SYT16: variants seen among roughly 807,000 people sequenced by gnomAD.
The protein encoded by SYT16 is synaptotagmin-16.
In SYT16, 42 loss-of-function variants were observed where a neutral mutation model predicts 61.4. The observed-to-expected ratio is 0.68, with a 90% CI of 0.53 to 0.89. The LOEUF is 0.89. Ranked by LOEUF, SYT16 falls within the 40% of genes least tolerant of loss-of-function variation. The probability of loss-of-function intolerance (pLI) is 0.00; values close to 1 mark genes in which losing one functional copy is unlikely to be tolerated. For synonymous variants in SYT16, 314 were observed against 302.3 expected (o/e 1.04, Z -0.40); for missense variants, 804 against 807.3 (o/e 1.00, Z 0.05).
At position 62,027,712 on chromosome 14, in the gene SYT16, T is replaced by A. The variant is rs149555676; in HGVS notation, c.523+31170T>A. Among the ~76,000 whole-genome samples the A allele has an allele frequency of 2.8e-4, 43 of 152,298 alleles. 2 individuals carry two copies. In the East Asian group the frequency reaches 7.9e-3, roughly 28 times the overall value. On this transcript the variant is annotated intron_variant, in intron 3 of 7. Coordinates refer to ENST00000683842, the MANE Select transcript of SYT16 (RefSeq NM_001367656.1). ...CATGTTTTATGTTATGTTGGGAGTTTCACTGTCTTTGACCTGCCCATTGAA... is the reference window on the plus strand; with the variant it reads ...CATGTTTTATGTTATGTTGGGAGTTACACTGTCTTTGACCTGCCCATTGAA...
chr14:61,890,510 A>T lies in SYT16; in HGVS notation c.-325+77700A>T. Among the ~76,000 whole-genome samples, 3 of 152,208 alleles carry T rather than the reference A, an allele frequency of 2.0e-5. No homozygotes were observed. The South Asian group carries it at 6.2e-4, about 32-fold the overall frequency. On this transcript the variant is annotated intron_variant, in intron 1 of 7. Coordinates refer to ENST00000683842, the MANE Select transcript of SYT16 (RefSeq NM_001367656.1). ...GTTTCCTTCATGACAAAAAAAAAAA[A>T]AAACACTATACAATTTTTACTTCTA... is the stretch of plus-strand genomic sequence containing the variant.
At chr14:61,865,110 ATGAAGCC>A in intron 1 of SYT16, 1 of 1,342,596 alleles carries the variant, frequency 7.4e-7, no homozygotes, top group Non-Finnish European at 1.1e-6. Flanking sequence ...CTGCTGGACT[ATGAAGCC>A]TTCTGTGGCT....
At chr14:61,979,918 C>T (rs556983006) in intron 2 of SYT16, among the ~76,000 whole-genome samples, 12 of 152,180 alleles carry the variant, frequency 7.9e-5, no homozygotes, top group Admixed American at 3.3e-4. Context: ...TAGTTTTTGA[C>T]GGTCTATAGA....
chr14:61,922,366 A>G (rs2049365946), intron 1 of SYT16, among the ~76,000 whole-genome samples: 1 of 152,242 alleles, frequency 6.6e-6, no homozygotes. Flanking sequence ...AAAGAATGAG[A>G]TCATGTCCTT....
At chr14:62,065,778 C>T (rs1343627949) in intron 3 of SYT16, among the ~76,000 whole-genome samples, 1 of 152,166 alleles carries the variant, frequency 6.6e-6, no homozygotes, top group African/African-American at 2.4e-5. Flanking sequence ...GATTTTGTTC[C>T]TGTTGTCCCT....
intron 1 of SYT16, among the ~76,000 whole-genome samples, chr14:61,957,798 ATTT>A (rs1283651056): frequency 4.6e-5 from 7 of 151,840 alleles, no homozygotes; most frequent in Non-Finnish European, 1.0e-4. Flanking sequence ...TGGTGTTGGT[ATTT>A]GGTGATAATG....
At position 62,110,929 on chromosome 14, in the gene SYT16, C is replaced by T. The variant is rs1263315945; in HGVS notation, c.*10222C>T. On this transcript the variant is annotated 3_prime_UTR_variant, in exon 8 of 8. Coordinates refer to ENST00000683842, the MANE Select transcript of SYT16 (RefSeq NM_001367656.1). ...AAGAATCAAACTTGTCCATCTCTCC[C>T]CTCCCAAGTGACTTTCCTCACTCAT... 54 of 152,008 alleles carry T rather than the reference C, an allele frequency of 3.6e-4. No individual in the cohort carries two copies. Among genetic ancestry groups the T allele is most frequent in the Admixed American group, 3.5e-3 (54 of 15,242 alleles). The allele number at this position is 152,008 out of a possible 1,614,324, so 9.4% of individuals were successfully genotyped here.
intron 1 of SYT16, among the ~76,000 whole-genome samples, chr14:61,889,149 C>T (rs1213308240): frequency 6.6e-6 from 1 of 152,162 alleles, no homozygotes; most frequent in Non-Finnish European, 1.5e-5. Flanking sequence ...AGGAGAGAGC[C>T]TGGACTCAAC....
At chr14:62,033,234 A>AT (rs1555373347) in intron 3 of SYT16, among the ~76,000 whole-genome samples, 1 of 152,040 alleles carries the variant, frequency 6.6e-6, no homozygotes, top group Non-Finnish European at 1.5e-5. Flanking sequence ...AAGAATGTGT[A>AT]CTTCGGATTG....
rs549691001 is a variant in SYT16 at position 62,080,472 on chromosome 14, CCT to C, written c.994-361_994-360del. On this transcript the variant is annotated intron_variant, in intron 5 of 7. Transcript: ENST00000683842. ...TATTTAGGGACACAAGGAAAAGTTG[CCT>C]ATGGACAATTGCCTGTTGACTTAAT... is the stretch of plus-strand genomic sequence containing the variant. 1.1e-4 allele frequency among the ~76,000 whole-genome samples: 17 copies of C among 152,264 alleles called. No individual in the cohort carries two copies. The East Asian group carries it at 3.3e-3, about 29-fold the overall frequency.
chr14:61,893,467 T>A (rs542373225), intron 1 of SYT16, among the ~76,000 whole-genome samples: 1 of 152,356 alleles, frequency 6.6e-6, no homozygotes, highest in South Asian at 2.1e-4. Flanking sequence ...GCTTCCCCAT[T>A]TTCTAGGGGG....
In SYT16 at chr14:62,084,327, A is replaced by T. The variant is rs1204885984; in HGVS notation, c.1566A>T (p.Leu522Phe). Residue 522 changes from leucine to phenylalanine, a missense_variant, in exon 7 of 8, where the codon TTA becomes TTT. By Grantham distance (22) the Leu-to-Phe change is conservative. Coordinates refer to ENST00000683842, the MANE Select transcript of SYT16 (RefSeq NM_001367656.1). ...CGTACAATGCCACAACGGGGCGATT[A>T]TCTGTGGAAATGATCAAAGGCAGCC... Reference protein sequence around the residue: ...GLSYNATTGRLSVEMIKGSHF... With the variant: ...GLSYNATTGRFSVEMIKGSHF... The T allele has an allele frequency of 6.2e-7, 1 of 1,613,396 alleles. No individual in the cohort carries two copies. The highest frequency in any genetic ancestry group is 8.5e-7 in the Non-Finnish European group (1 of 1,179,816).
intron 3 of SYT16, among the ~76,000 whole-genome samples, chr14:62,041,921 C>A (rs1490160929): frequency 1.1e-4 from 17 of 152,094 alleles, no homozygotes; most frequent in Admixed American, 1.1e-3. Context: ...CCCAAATCTG[C>A]CATCAATCCC....
At chr14:61,871,694 A>C (rs1051309828) in intron 1 of SYT16, among the ~76,000 whole-genome samples, 8 of 152,244 alleles carry the variant, frequency 5.3e-5, no homozygotes, top group African/African-American at 1.9e-4. Context: ...CCCTATTACT[A>C]TATTATGATC....
intron 1 of SYT16, among the ~76,000 whole-genome samples, chr14:61,824,589 T>A (rs887396005): frequency 7.2e-5 from 11 of 152,164 alleles, no homozygotes; most frequent in African/African-American, 2.7e-4. Flanking sequence ...CCTGACCTCA[T>A]GATCCGCCCG....
At chr14:61,836,833 A>G (rs1475144212) in intron 1 of SYT16, among the ~76,000 whole-genome samples, 1 of 152,168 alleles carries the variant, frequency 6.6e-6, no homozygotes, top group Admixed American at 6.5e-5. Context: ...TTGAATTTCT[A>G]AACTTCTATG....
rs891482121 is a variant in SYT16 at position 62,106,442 on chromosome 14, A to G, written c.*5735A>G. 2 of 152,180 alleles carry G rather than the reference A, an allele frequency of 1.3e-5. No individual in the cohort carries two copies. Among genetic ancestry groups the G allele is most frequent in the Admixed American group, 1.3e-4 (2 of 15,274 alleles). 9.4% of individuals were successfully genotyped at this position (152,180 alleles called of 1,614,324 possible). On this transcript the variant is annotated 3_prime_UTR_variant, in exon 8 of 8. Transcript: ENST00000683842. ...GGGATGGGGGTGTCATAGAATCATC[A>G]TCTTTGGAAGTTTTTTAAAATAGAA...
chr14:62,055,205 C>A (rs2055494575), intron 3 of SYT16, among the ~76,000 whole-genome samples: 1 of 152,178 alleles, frequency 6.6e-6, no homozygotes, highest in Non-Finnish European at 1.5e-5. Context: ...CTTGGCCATT[C>A]ATTTGTATGC....
chr14:61,821,931 T>G (rs948938588), intron 1 of SYT16, among the ~76,000 whole-genome samples: 30 of 152,232 alleles, frequency 2.0e-4, no homozygotes, highest in Non-Finnish European at 2.9e-5. Context: ...GATGGTGTAC[T>G]AGTCAGGGTT....
Sources: gnomAD v4.1 joint callset for allele counts (sites outside exome capture counted in the v4.1 genomes callset) on GRCh38, gnomAD v4.1.1 for gene constraint, MANE v1.5 for transcripts, NCBI Gene and HGNC (gene_info 2026-07-23, HGNC 2026-07-21) for gene names.